DCAF6: variants seen among roughly 807,000 people sequenced by gnomAD.
DCAF6 encodes the protein DDB1- and CUL4-associated factor 6.
Under a neutral mutation model 125.1 loss-of-function variants are expected in DCAF6, and 54 were observed. The observed-to-expected ratio is 0.43, with a 90% CI of 0.35 to 0.54. The LOEUF (loss-of-function observed/expected upper bound fraction) is 0.54. DCAF6 is among the 20% of genes least tolerant of loss of function. The probability of loss-of-function intolerance (pLI) is 0.01; values close to 1 mark genes in which losing one functional copy is unlikely to be tolerated. For missense variants in DCAF6, 934 were observed against 1,161.7 expected (o/e 0.80, Z 2.85); for synonymous variants, 371 against 390.4 (o/e 0.95, Z 0.58).
At chr1:167,921,675 ATGC>A in the DCAF6 span, among the ~76,000 whole-genome samples, 1 of 152,108 alleles carries the variant, frequency 6.6e-6, no homozygotes, top group Non-Finnish European at 1.5e-5. Context: ...CAATCTATTT[ATGC>A]CAGTTTTACT....
At chr1:167,918,308 T>C in the DCAF6 span, 4 of 1,563,536 alleles carry the variant, frequency 2.6e-6, no homozygotes, top group African/African-American at 5.5e-5. Flanking sequence ...ATTGTTCAGG[T>C]GATCAGGAAC....
At chr1:167,963,031 G>A (rs1223365876) in intron 2 of DCAF6, among the ~76,000 whole-genome samples, 3 of 151,532 alleles carry the variant, frequency 2.0e-5, no homozygotes, top group African/African-American at 4.9e-5. Context: ...AGGCCAAGGC[G>A]GGTGGATCAC....
intron 10 of DCAF6, among the ~76,000 whole-genome samples, chr1:168,009,205 G>A (rs1387582960): frequency 6.6e-6 from 1 of 151,518 alleles, no homozygotes; most frequent in Non-Finnish European, 1.5e-5. Context: ...TCACCGTGTT[G>A]GCCACGATGG....
At chr1:167,893,515 T>C in the DCAF6 span, among the ~76,000 whole-genome samples, 34,696 of 151,574 alleles carry the variant, frequency 0.23, 4,070 homozygotes, top group Admixed American at 0.27. Flanking sequence ...GAATTTGAGA[T>C]CAGTCAGGCC....
At chr1:167,913,241 A>C in the DCAF6 span, among the ~76,000 whole-genome samples, 1 of 152,226 alleles carries the variant, frequency 6.6e-6, no homozygotes, top group African/African-American at 2.4e-5. Context: ...GGATTCCTGA[A>C]TGCGGAGTGT....
the DCAF6 span, among the ~76,000 whole-genome samples, chr1:167,929,992 T>C: frequency 6.6e-6 from 1 of 152,184 alleles, no homozygotes; most frequent in Non-Finnish European, 1.5e-5. Flanking sequence ...ACAAACTAGA[T>C]ACAAATCCTT....
chr1:167,905,295 C>T, the DCAF6 span: 1 of 938,844 alleles, frequency 1.1e-6, no homozygotes, highest in South Asian at 1.4e-5. Context: ...CTGCGGCCTG[C>T]TTATAGTGGT....
rs1416024963 is a variant in DCAF6 at position 167,974,263 on chromosome 1, C to G, written c.253-567C>G. ...TATTTTTCCTCTCAATTTTAAAACA[C>G]TACTAGGAGAATTAGTCCTTTATCT... is the stretch of plus-strand genomic sequence containing the variant. On this transcript the variant is annotated intron_variant, in intron 3 of 21. Coordinates refer to ENST00000367840, the MANE Select transcript of DCAF6 (RefSeq NM_001198956.2). Among the ~76,000 whole-genome samples, 4 of 151,798 alleles carry G rather than the reference C, an allele frequency of 2.6e-5. No homozygotes were observed. In the East Asian group the frequency reaches 7.7e-4, roughly 29 times the overall value.
the DCAF6 span, among the ~76,000 whole-genome samples, chr1:167,872,992 C>A: frequency 6.6e-6 from 1 of 151,794 alleles, no homozygotes; most frequent in Non-Finnish European, 1.5e-5. Flanking sequence ...ATCGCTTGAA[C>A]CCGGGACGCA....
chr1:167,870,222 G>A, the DCAF6 span: 9 of 1,612,558 alleles, frequency 5.6e-6, no homozygotes, highest in Non-Finnish European at 7.6e-6. Context: ...AGGATTCTAT[G>A]GGTTCACACA....
chr1:167,925,442 C>CGTGTATATATATAT, the DCAF6 span, among the ~76,000 whole-genome samples: 2 of 82,476 alleles, frequency 2.4e-5, no homozygotes, highest in African/African-American at 5.1e-5. Flanking sequence ...TACATATACA[C>CGTGTATATATATAT]ATATATATAT....
chr1:168,011,577 A>ATCAAAGCAAACCTT (rs1684290224), intron 10 of DCAF6, among the ~76,000 whole-genome samples: 1 of 152,210 alleles, frequency 6.6e-6, no homozygotes, highest in Non-Finnish European at 1.5e-5. Context: ...TGTGCACCAT[A>ATCAAAGCAAACCTT]TCAAAGCAAA....
chr1:167,882,484 C>CAAAAAAAAA, the DCAF6 span, among the ~76,000 whole-genome samples: 7 of 71,124 alleles, frequency 9.8e-5, no homozygotes, highest in Admixed American at 1.6e-4. Context: ...GATTCCGTCT[C>CAAAAAAAAA]AAAAAAAAAA....
chr1:168,071,960 A>T (rs1419050203), intron 21 of DCAF6, among the ~76,000 whole-genome samples: 1 of 152,098 alleles, frequency 6.6e-6, no homozygotes, highest in Admixed American at 6.5e-5. Flanking sequence ...TGCCCCCAGG[A>T]CTTCACATAC....
At chr1:167,899,651 G>A in the DCAF6 span, 2 of 1,610,260 alleles carry the variant, frequency 1.2e-6, no homozygotes, top group Non-Finnish European at 1.7e-6. Flanking sequence ...CAAGGAATAG[G>A]TTTGCACAAG....
At chr1:167,985,027 A>G (rs1347478900) in intron 4 of DCAF6, among the ~76,000 whole-genome samples, 1 of 152,200 alleles carries the variant, frequency 6.6e-6, no homozygotes, top group African/African-American at 2.4e-5. Context: ...AAAAACTCCC[A>G]TTTTAAAAAC....
chr1:168,019,387 T>C (rs147906958), intron 11 of DCAF6, among the ~76,000 whole-genome samples: 3 of 152,330 alleles, frequency 2.0e-5, no homozygotes, highest in Non-Finnish European at 4.4e-5. Flanking sequence ...TGTTTGCTAC[T>C]TAAAAATGTC....
intron 13 of DCAF6, among the ~76,000 whole-genome samples, chr1:168,039,685 TATATTAA>T (rs201699377): frequency 0.011 from 1,610 of 147,576 alleles, 36 homozygotes; most frequent in African/African-American, 0.036. Flanking sequence ...AATATATTAA[TATATTAA>T]ATATTTAATT....
intron 21 of DCAF6, among the ~76,000 whole-genome samples, chr1:168,074,366 T>G (rs1167706145): frequency 3.9e-5 from 6 of 152,118 alleles, no homozygotes; most frequent in Non-Finnish European, 7.4e-5. Context: ...GTGGAAATGT[T>G]TCTGGGGCAG....
Sources: gnomAD v4.1 joint callset for allele counts (sites outside exome capture counted in the v4.1 genomes callset) on GRCh38, gnomAD v4.1.1 for gene constraint, MANE v1.5 for transcripts, NCBI Gene and HGNC (gene_info 2026-07-23, HGNC 2026-07-21) for gene names.